TRMT11: variants seen among roughly 807,000 people sequenced by gnomAD.
TRMT11 encodes the protein tRNA (guanine(10)-N(2))-methyltransferase TRMT11.
A neutral mutation model predicts 62.8 loss-of-function variants in TRMT11; 53 were observed. The ratio of observed to expected loss-of-function variants is 0.84; its 90% CI spans 0.68 to 1.06. The LOEUF is 1.06. TRMT11 is among the 50% of genes least tolerant of loss of function. The pLI, the probability that TRMT11 is intolerant of heterozygous loss-of-function variation, is 0.00. For missense variants in TRMT11, 556 were observed against 553.4 expected (o/e 1.00, Z -0.05); for synonymous variants, 188 against 190.3 (o/e 0.99, Z 0.10).
In TRMT11 at chr6:126,165,108, C is replaced by T. The variant is rs534102362; in HGVS notation, c.*1824-9717C>T. Among the ~76,000 whole-genome samples, 42 of 152,178 alleles carry T rather than the reference C, an allele frequency of 2.8e-4. 1 individual carries two copies. The highest frequency in any genetic ancestry group is 2.6e-3 in the Admixed American group (40 of 15,276). On this transcript the variant is annotated intron_variant and NMD_transcript_variant, in intron 21 of 22. Coordinates refer to the TRMT11 transcript ENST00000648977. ...TCTGGCCAACATGGTGAAACCCCGT[C>T]TCTACTAAAAATAAAGAAAATTAGC...
intron 17 of TRMT11, among the ~76,000 whole-genome samples, chr6:126,063,722 G>A (rs907304878): frequency 1.3e-5 from 2 of 152,180 alleles, no homozygotes; most frequent in African/African-American, 4.8e-5. Context: ...AGAGGCAAGG[G>A]TCTCTAGACA....
At chr6:126,163,101 T>C (rs1397703070) in intron 21 of TRMT11, among the ~76,000 whole-genome samples, 2 of 152,152 alleles carry the variant, frequency 1.3e-5, no homozygotes, top group East Asian at 1.9e-4. Context: ...CTAGGTTGAG[T>C]AGGAGTGGTG....
intron 17 of TRMT11, among the ~76,000 whole-genome samples, chr6:126,104,059 C>G (rs555694720): frequency 1.0e-3 from 158 of 152,292 alleles, no homozygotes; most frequent in Non-Finnish European, 1.9e-3. Flanking sequence ...ATAGCACTTA[C>G]AAATTTAGAA....
chr6:126,104,501 C>A (rs1426962922), intron 17 of TRMT11, among the ~76,000 whole-genome samples: 1 of 152,016 alleles, frequency 6.6e-6, no homozygotes, highest in Non-Finnish European at 1.5e-5. Flanking sequence ...ACAGGTGGGC[C>A]CAGTTAATGT....
At chr6:126,258,029 C>G in the TRMT11 span, 1 of 1,430,472 alleles carries the variant, frequency 7.0e-7, no homozygotes, top group Non-Finnish European at 9.9e-7. Flanking sequence ...GCTCCTCGAC[C>G]CTGGCAGCCT....
At position 126,181,663 on chromosome 6, in the gene TRMT11, G is replaced by A. The variant is rs182599148; in HGVS notation, n.143+4328G>A. ...ATTGTTCCAGTGGGATTGTGATTAT[G>A]ATAGTTAATAGAAAACATTGTCAGC... is the stretch of plus-strand genomic sequence containing the variant. On this transcript the variant is annotated intron_variant and non_coding_transcript_variant, in intron 1 of 3. Coordinates refer to the TRMT11 transcript ENST00000444229. Among the ~76,000 whole-genome samples, 777 of 152,270 alleles carry A rather than the reference G, an allele frequency of 5.1e-3. 7 individuals are homozygous for A. Among genetic ancestry groups the A allele is most frequent in the African/African-American group, 0.017 (699 of 41,560 alleles).
At chr6:126,102,761 A>G (rs192548245) in intron 17 of TRMT11, among the ~76,000 whole-genome samples, 4 of 152,120 alleles carry the variant, frequency 2.6e-5, no homozygotes, top group African/African-American at 4.8e-5. Flanking sequence ...TAGTAAGTAT[A>G]AAAAAGTTCT....
intron 3 of TRMT11, among the ~76,000 whole-genome samples, chr6:126,201,116 T>C (rs1778730626): frequency 6.6e-6 from 1 of 152,186 alleles, no homozygotes. Flanking sequence ...CTTTAACAAA[T>C]GATATGTTTA....
At chr6:126,192,138 C>T (rs2128247436) in intron 1 of TRMT11, among the ~76,000 whole-genome samples, 1 of 152,150 alleles carries the variant, frequency 6.6e-6, no homozygotes, top group Admixed American at 6.5e-5. Context: ...TGTTTTATAG[C>T]TTTTCTTGAA....
the TRMT11 span, among the ~76,000 whole-genome samples, chr6:126,256,981 T>G: frequency 0.27 from 41,209 of 151,752 alleles, 6,587 homozygotes; most frequent in East Asian, 0.53. Context: ...CACCTCCCAG[T>G]TTCTAGTGAT....
chr6:126,031,342 C>T (rs189507485), intron 12 of TRMT11, among the ~76,000 whole-genome samples: 174 of 152,256 alleles, frequency 1.1e-3, no homozygotes, highest in African/African-American at 3.9e-3. Context: ...GTTTTCATCA[C>T]GCAACATGTG....
rs1562334853 is a variant in TRMT11, at chr6:126,151,868, T to TTG, written c.*1824-22956_*1824-22955insGT. On this transcript the variant is annotated intron_variant and NMD_transcript_variant, in intron 21 of 22. Coordinates refer to the TRMT11 transcript ENST00000648977. ...TTTCTTTCTTTCTTTCTTTCTTTCC[T>TTG]TCTTTCTCCTTCCTTCCTTGTCTTT... is the stretch of plus-strand genomic sequence containing the variant. Among the ~76,000 whole-genome samples the TTG allele has an allele frequency of 3.2e-3, 397 of 125,672 alleles. 6 individuals carry two copies. Among genetic ancestry groups the TTG allele is most frequent in the South Asian group, 5.2e-3 (21 of 4,002 alleles). 82.4% of individuals were successfully genotyped at this position (125,672 alleles called of 152,430 possible). A position where few individuals can be genotyped will look rare whatever the true frequency, so the allele number is the denominator to read the frequency against.
At chr6:126,030,729 A>G (rs1774041716) in intron 12 of TRMT11, among the ~76,000 whole-genome samples, 1 of 152,190 alleles carries the variant, frequency 6.6e-6, no homozygotes, top group African/African-American at 2.4e-5. Context: ...ATTATCAGGA[A>G]CTGTCAGTGA....
At chr6:126,007,897 A>G (rs893154393) in intron 7 of TRMT11, among the ~76,000 whole-genome samples, 1 of 152,086 alleles carries the variant, frequency 6.6e-6, no homozygotes, top group Non-Finnish European at 1.5e-5. Context: ...ACAAAAATTA[A>G]AATATGTCCT....
chr6:126,085,016 G>A (rs942454400), intron 17 of TRMT11, among the ~76,000 whole-genome samples: 1 of 152,154 alleles, frequency 6.6e-6, no homozygotes, highest in African/African-American at 2.4e-5. Context: ...ACAGCATGAT[G>A]ACTATAGTTA....
At chr6:126,200,330 G>A (rs569202220) in intron 3 of TRMT11, among the ~76,000 whole-genome samples, 164 of 152,282 alleles carry the variant, frequency 1.1e-3, no homozygotes, top group African/African-American at 3.8e-3. Flanking sequence ...GATACATTGG[G>A]TGCAAGGCTA....
chr6:126,199,581 A>G (rs1778711716), intron 2 of TRMT11, among the ~76,000 whole-genome samples: 1 of 152,218 alleles, frequency 6.6e-6, no homozygotes, highest in African/African-American at 2.4e-5. Flanking sequence ...GTTTGTCACA[A>G]ATTAAAACTT....
intron 1 of TRMT11, among the ~76,000 whole-genome samples, chr6:126,187,856 G>C (rs1488252831): frequency 6.9e-6 from 1 of 144,856 alleles, no homozygotes; most frequent in Non-Finnish European, 1.5e-5. Context: ...CACCCAGTCA[G>C]TGGGAAATTC....
At chr6:126,041,007 A>G (rs998531000), downstream of TRMT11, among the ~76,000 whole-genome samples, 2 of 152,106 alleles carry the variant, frequency 1.3e-5, no homozygotes, top group Non-Finnish European at 2.9e-5. Context: ...CTTGCCACTG[A>G]TTTCCTTATG....
Sources: gnomAD v4.1 joint callset for allele counts (sites outside exome capture counted in the v4.1 genomes callset) on GRCh38, gnomAD v4.1.1 for gene constraint, MANE v1.5 for transcripts, NCBI Gene and HGNC (gene_info 2026-07-23, HGNC 2026-07-21) for gene names.